SLC14A2: variants seen among roughly 807,000 people sequenced by gnomAD.
SLC14A2 encodes the protein urea transporter 2.
SLC14A2 carries 91 observed loss-of-function variants against 104.6 expected under a neutral mutation model. The ratio of observed to expected loss-of-function variants is 0.87; its 90% CI spans 0.73 to 1.04. The LOEUF is 1.04. SLC14A2 is among the 50% of genes least tolerant of loss of function. The probability of loss-of-function intolerance (pLI) is 0.00; values close to 1 mark genes in which losing one functional copy is unlikely to be tolerated. For synonymous variants in SLC14A2, 476 were observed against 466.4 expected, an observed-to-expected ratio of 1.02 and a Z score of -0.27; for missense variants, 1,189 against 1,156.0, an observed-to-expected ratio of 1.03 and a Z score of -0.41.
chr18:45,682,381 G>C lies in SLC14A2; in HGVS notation c.2625G>C (p.Thr875=). 1.2e-6 allele frequency: 2 copies of C among 1,614,042 alleles called. No individual in the cohort carries two copies. Among genetic ancestry groups the C allele is most frequent in the East Asian group, 2.2e-5 (1 of 44,872 alleles). The change falls in exon 20 of 20, where the codon ACG becomes ACC. Residue 875 remains threonine, a synonymous_variant. Transcript: ENST00000255226. The stretch of plus-strand genomic sequence containing the variant: ...CAGCTCTCACCTTCCTGCTCCTGAC[G>C]ACCAATAACCCCGCCATCTACAAGC... ...CLSALTFLLL[T]TNNPAIYKLP...
At chr18:45,281,979 C>T (rs61319456) in intron 1 of SLC14A2, among the ~76,000 whole-genome samples, 1 of 152,150 alleles carries the variant, frequency 6.6e-6, no homozygotes, top group Non-Finnish European at 1.5e-5. Context: ...CAGCCTCCTC[C>T]TTTCCCATGA....
At chr18:45,261,976 T>A (rs988269588) in intron 1 of SLC14A2, among the ~76,000 whole-genome samples, 1 of 152,186 alleles carries the variant, frequency 6.6e-6, no homozygotes, top group African/African-American at 2.4e-5. Context: ...CCCTGAGGAA[T>A]CGCCCCACTG....
At chr18:45,192,811 C>T in the SLC14A2 span, among the ~76,000 whole-genome samples, 3 of 152,002 alleles carry the variant, frequency 2.0e-5, no homozygotes, top group Admixed American at 1.3e-4. Context: ...CATGTGCCAC[C>T]AGGCCCAGCT....
chr18:45,638,351 CA>C (rs1285705521), intron 6 of SLC14A2, among the ~76,000 whole-genome samples: 1 of 152,160 alleles, frequency 6.6e-6, no homozygotes, highest in East Asian at 1.9e-4. Context: ...CAAGAGTGAG[CA>C]AAGTTTAAGA....
intron 1 of SLC14A2, among the ~76,000 whole-genome samples, chr18:45,417,655 G>A (rs1458206492): frequency 1.3e-5 from 2 of 152,068 alleles, no homozygotes; most frequent in Non-Finnish European, 2.9e-5. Context: ...TGAAGATTAT[G>A]GGGACTAAAA....
intron 2 of SLC14A2, among the ~76,000 whole-genome samples, chr18:45,570,682 T>A (rs1351527135): frequency 6.6e-6 from 1 of 152,238 alleles, no homozygotes; most frequent in East Asian, 1.9e-4. Context: ...TGTTAATACA[T>A]GGCAGGAGGC....
chr18:45,544,654 C>T (rs1459653036), intron 2 of SLC14A2, among the ~76,000 whole-genome samples: 1 of 151,746 alleles, frequency 6.6e-6, no homozygotes, highest in Non-Finnish European at 1.5e-5. Flanking sequence ...GGTTGTATAT[C>T]CTTTTAGTCA....
intron 1 of SLC14A2, among the ~76,000 whole-genome samples, chr18:45,299,029 T>C (rs2084942586): frequency 6.6e-6 from 1 of 152,188 alleles, no homozygotes; most frequent in Admixed American, 6.5e-5. Context: ...GCCTTCTGGC[T>C]AAAAGGTAGT....
intron 1 of SLC14A2, among the ~76,000 whole-genome samples, chr18:45,622,987 T>TTTGGG (rs2045199902): frequency 6.6e-6 from 1 of 152,170 alleles, no homozygotes; most frequent in Non-Finnish European, 1.5e-5. Flanking sequence ...AAGTTAGGCA[T>TTTGGG]TTGGGTTTAT....
At chr18:45,206,622 T>C in the SLC14A2 span, among the ~76,000 whole-genome samples, 1 of 152,230 alleles carries the variant, frequency 6.6e-6, no homozygotes, top group Non-Finnish European at 1.5e-5. Context: ...TCTCTTATTA[T>C]TTCCTAGGGT....
At chr18:45,205,928 A>G in the SLC14A2 span, among the ~76,000 whole-genome samples, 1 of 152,240 alleles carries the variant, frequency 6.6e-6, no homozygotes, top group South Asian at 2.1e-4. Flanking sequence ...GATCCCAAAG[A>G]AAAGAGGAGA....
intron 2 of SLC14A2, among the ~76,000 whole-genome samples, chr18:45,536,865 T>C (rs2043794780): frequency 6.6e-6 from 1 of 152,152 alleles, no homozygotes; most frequent in Admixed American, 6.5e-5. Context: ...CTGAAGCTGG[T>C]CTCAGCAGGG....
At chr18:45,589,757 C>G (rs1244277561) in intron 2 of SLC14A2, among the ~76,000 whole-genome samples, 1 of 152,174 alleles carries the variant, frequency 6.6e-6, no homozygotes, top group Non-Finnish European at 1.5e-5. Flanking sequence ...TCGTTTCAGA[C>G]TAACTTTCCA....
At chr18:45,561,948 C>T (rs1488759484) in intron 2 of SLC14A2, among the ~76,000 whole-genome samples, 1 of 152,052 alleles carries the variant, frequency 6.6e-6, no homozygotes, top group Non-Finnish European at 1.5e-5. Context: ...CATCATATTC[C>T]CTAATTTCTT....
chr18:45,374,589 A>G (rs1038997543), intron 1 of SLC14A2, among the ~76,000 whole-genome samples: 3 of 151,798 alleles, frequency 2.0e-5, no homozygotes, highest in African/African-American at 2.4e-5. Context: ...CCAGAGAGGC[A>G]TAGAGGTTCC....
chr18:45,566,432 T>C (rs945138396), intron 2 of SLC14A2, among the ~76,000 whole-genome samples: 1 of 152,146 alleles, frequency 6.6e-6, no homozygotes, highest in South Asian at 2.1e-4. Flanking sequence ...CACAGGACCA[T>C]TTAAAAACTC....
At chr18:45,226,050 C>G (rs1363998560) in intron 1 of SLC14A2, among the ~76,000 whole-genome samples, 2 of 152,084 alleles carry the variant, frequency 1.3e-5, no homozygotes, top group African/African-American at 4.8e-5. Context: ...ATTTATGCAG[C>G]CAAAAGACAC....
intron 1 of SLC14A2, among the ~76,000 whole-genome samples, chr18:45,376,418 G>A (rs540462800): frequency 6.6e-6 from 1 of 152,232 alleles, no homozygotes; most frequent in East Asian, 1.9e-4. Flanking sequence ...GGGAAATGAT[G>A]GACTTAGTCA....
At chr18:45,426,538 A>C (rs1315612750) in intron 1 of SLC14A2, among the ~76,000 whole-genome samples, 1 of 137,558 alleles carries the variant, frequency 7.3e-6, no homozygotes, top group Non-Finnish European at 1.5e-5. Context: ...GCCGAATGAG[A>C]TCAGCATGTG....
Sources: gnomAD v4.1 joint callset for allele counts (sites outside exome capture counted in the v4.1 genomes callset) on GRCh38, gnomAD v4.1.1 for gene constraint, MANE v1.5 for transcripts, NCBI Gene and HGNC (gene_info 2026-07-23, HGNC 2026-07-21) for gene names.